LAMA1: variants seen among roughly 807,000 people sequenced by gnomAD.
The protein encoded by LAMA1 is laminin subunit alpha 1.
In LAMA1, 219 loss-of-function variants were observed where a neutral mutation model predicts 348.7. That is an observed-to-expected ratio of 0.63 (90% CI 0.56 to 0.70). LAMA1 has a LOEUF of 0.70. Among genes scored for constraint, LAMA1 ranks in the 30% least tolerant of loss-of-function variants. The pLI is 0.00. For missense variants in LAMA1, 3,744 were observed against 3,888.0 expected (o/e 0.96, Z 0.99); for synonymous variants, 1,487 against 1,491.0 (o/e 1.00, Z 0.06).
chr18:6,965,636 CTGT>C, intron 49 of LAMA1: 1 of 586,848 alleles, frequency 1.7e-6, no homozygotes, highest in Non-Finnish European at 3.0e-6. Flanking sequence ...GAAATGTCAT[CTGT>C]TGTTACCAAA....
chr18:7,056,500 G>A (rs1320318553), intron 3 of LAMA1, among the ~76,000 whole-genome samples: 2 of 152,092 alleles, frequency 1.3e-5, no homozygotes, highest in African/African-American at 4.8e-5. Context: ...TTACACATTT[G>A]GAAACTGATG....
Position 7,044,736 on chromosome 18 carries a change from C to G in LAMA1, c.962G>C (p.Gly321Ala). The G allele has an allele frequency of 6.2e-7, 1 of 1,613,932 alleles. No individual in the cohort carries two copies. Among genetic ancestry groups the G allele is most frequent in the Non-Finnish European group, 8.5e-7 (1 of 1,179,804 alleles). ...AGTATACTGACCTTCACATGTATTGCCGGAGGACACGGTTCCCGGCCTCCA... is the reference window on the plus strand; with the variant it reads ...AGTATACTGACCTTCACATGTATTGGCGGAGGACACGGTTCCCGGCCTCCA... ...QPWRPGTVSS[G>A]NTCEACNCHN... The change falls in exon 7 of 63, where the codon GGC becomes GCC. Residue 321 changes from glycine (G) to alanine (A), a missense_variant. Physicochemically the swap from Gly to Ala is moderately conservative, Grantham distance 60 (BLOSUM62 0). Transcript: ENST00000389658.
intron 1 of LAMA1, among the ~76,000 whole-genome samples, chr18:7,093,860 C>T (rs188300210): frequency 2.6e-5 from 4 of 151,406 alleles, no homozygotes; most frequent in Admixed American, 6.6e-5. Flanking sequence ...CCGCATCCTC[C>T]GCCTCCCGGG....
In LAMA1 at chr18:6,975,498, C is replaced by T. The variant is rs982087355; in HGVS notation, c.6489+439G>A. Among the ~76,000 whole-genome samples, 12 of 152,214 alleles carry T rather than the reference C, an allele frequency of 7.9e-5. No homozygotes were observed. The South Asian group carries it at 1.2e-3, about 16-fold the overall frequency. On this transcript the variant is annotated intron_variant, in intron 45 of 62. Transcript: ENST00000389658. ...AGACATTTCAGATACTATATGTGCC[C>T]GTTAACATTTTCTGCCCTACACACC...
intron 1 of LAMA1, among the ~76,000 whole-genome samples, chr18:7,095,406 C>A (rs1030105752): frequency 1.3e-5 from 2 of 152,068 alleles, no homozygotes; most frequent in African/African-American, 2.4e-5. Flanking sequence ...CCTCACTACA[C>A]CCCCCACTAT....
chr18:6,985,369 A>G lies in LAMA1; in HGVS notation c.5528T>C (p.Leu1843Ser), dbSNP rs1343760584. Residue 1843 changes from leucine (L) to serine (S), a missense_variant, in exon 39 of 63, where the codon TTA becomes TCA. Transcript: ENST00000389658. ...HLEDHQDKLLLWSAKIRHHID... is the reference protein window; with the variant it reads ...HLEDHQDKLLSWSAKIRHHID... Reference sequence around the variant, plus strand: ...GTGGTGCCTGATTTTGGCAGACCATAAAAGTAGCTTATCCTGGTGATCCTC... The same window carrying G: ...GTGGTGCCTGATTTTGGCAGACCATGAAAGTAGCTTATCCTGGTGATCCTC... The G allele has an allele frequency of 1.2e-6, 2 of 1,614,252 alleles. No homozygotes were observed. Among genetic ancestry groups the G allele is most frequent in the Middle Eastern group, 1.7e-4 (1 of 6,058 alleles).
intron 1 of LAMA1, among the ~76,000 whole-genome samples, chr18:7,112,741 A>AC (rs1031481241): frequency 2.8e-4 from 43 of 151,858 alleles, no homozygotes; most frequent in Non-Finnish European, 5.4e-4. Flanking sequence ...GGTTCAAGCA[A>AC]TTCTCCTGCC....
Position 7,034,515 on chromosome 18 carries a change from C to G in LAMA1, c.2015G>C (p.Arg672Thr), listed in dbSNP as rs1389707503. The G allele has an allele frequency of 6.2e-7, 1 of 1,614,078 alleles. No homozygotes were observed. The highest frequency in any genetic ancestry group is 2.2e-5 in the East Asian group (1 of 44,870). Residue 672 changes from arginine (R) to threonine (T), a missense_variant, in exon 14 of 63, where the codon AGA becomes ACA. Arg to Thr is a moderately conservative substitution (Grantham distance 71, BLOSUM62 -1). Around this residue, in one of 3 missense-constraint regions of LAMA1, gnomAD observed 1,529 missense variants for 1,689.4 expected, o/e 0.91. Coordinates refer to ENST00000389658, the MANE Select transcript of LAMA1 (RefSeq NM_005559.4). ...VLANVTHLLI[R>T]ANYNSAKMAL... The stretch of plus-strand genomic sequence containing the variant: ...CATTTTTGCAGAATTGTAGTTGGCT[C>G]TGATCAAAAGATGTGTCACATTGGC...
intron 1 of LAMA1, among the ~76,000 whole-genome samples, chr18:7,114,076 CAAAAAAAA>C (rs4012960): frequency 8.7e-6 from 1 of 115,392 alleles, no homozygotes; most frequent in Non-Finnish European, 1.8e-5. Context: ...GACTCCGTCT[CAAAAAAAA>C]AAAAAAAAGA....
chr18:7,052,905 G>A (rs1421169252), intron 3 of LAMA1, among the ~76,000 whole-genome samples: 3 of 150,722 alleles, frequency 2.0e-5, no homozygotes, highest in Admixed American at 6.6e-5. Context: ...CCTGTAGTCC[G>A]ACTACTCGGG....
chr18:6,953,339 G>A (rs1044139898), intron 57 of LAMA1, among the ~76,000 whole-genome samples: 3 of 152,272 alleles, frequency 2.0e-5, no homozygotes, highest in East Asian at 1.9e-4. Flanking sequence ...TAATGCCCTC[G>A]AGGCACAAGA....
chr18:6,978,726 C>G (rs686378), intron 42 of LAMA1, among the ~76,000 whole-genome samples: 31,486 of 152,180 alleles, frequency 0.21, 3,936 homozygotes, highest in African/African-American at 0.35. Flanking sequence ...TGTCTTACAT[C>G]TTAATAAGCT....
At chr18:7,032,660 A>T (rs1200190288) in intron 15 of LAMA1, among the ~76,000 whole-genome samples, 1 of 152,282 alleles carries the variant, frequency 6.6e-6, no homozygotes, top group Admixed American at 6.5e-5. Context: ...CATGCTGGTG[A>T]TTTGTAAATG....
chr18:7,089,491 G>C (rs1279246325), intron 1 of LAMA1, among the ~76,000 whole-genome samples: 2 of 152,198 alleles, frequency 1.3e-5, no homozygotes, highest in Non-Finnish European at 2.9e-5. Flanking sequence ...TGCATCTCAG[G>C]AACAAGGCAG....
chr18:7,046,882 T>C (rs2058043726), intron 5 of LAMA1, among the ~76,000 whole-genome samples: 1 of 152,222 alleles, frequency 6.6e-6, no homozygotes, highest in Non-Finnish European at 1.5e-5. Flanking sequence ...TGTTCATTGC[T>C]AGTGACTAAA....
At chr18:7,010,116 C>CT in intron 26 of LAMA1, 84 bp downstream of exon 26, 3 of 1,518,458 alleles carry the variant, frequency 2.0e-6, no homozygotes, top group Non-Finnish European at 2.7e-6. Context: ...TGCTCATTCT[C>CT]TTATTAATGG....
At chr18:7,052,581 G>A (rs1846953093) in intron 3 of LAMA1, among the ~76,000 whole-genome samples, 1 of 151,942 alleles carries the variant, frequency 6.6e-6, no homozygotes. Flanking sequence ...AAAAAAATTA[G>A]CCGGCCGTGG....
At chr18:7,018,712 A>G (rs1263005556) in intron 19 of LAMA1, among the ~76,000 whole-genome samples, 1 of 152,148 alleles carries the variant, frequency 6.6e-6, no homozygotes, top group Non-Finnish European at 1.5e-5. Flanking sequence ...ACTCTTTATA[A>G]ATGTGTGGAC....
intron 16 of LAMA1, among the ~76,000 whole-genome samples, chr18:7,029,739 C>T (rs542781257): frequency 2.6e-5 from 4 of 152,238 alleles, no homozygotes; most frequent in South Asian, 4.2e-4. Flanking sequence ...TACTGTGATG[C>T]CATTCTCTTT....
Sources: allele counts gnomAD v4.1 joint callset (sites outside exome capture counted in the v4.1 genomes callset), GRCh38; gene constraint gnomAD v4.1.1; regional missense constraint gnomAD v4.1.1; transcripts MANE v1.5; gene names NCBI Gene and HGNC (gene_info 2026-07-23, HGNC 2026-07-21).